ASAP2: variants seen among roughly 807,000 people sequenced by gnomAD.
ASAP2 encodes ArfGAP with SH3 domain, ankyrin repeat and PH domain 2, also known as arf-GAP with SH3 domain, ANK repeat and PH domain-containing protein 2.
A neutral mutation model predicts 131.4 loss-of-function variants in ASAP2; 45 were observed. The observed-to-expected ratio is 0.34, with a 90% CI of 0.27 to 0.44. The LOEUF is 0.44. ASAP2 is among the 20% of genes least tolerant of loss of function. ASAP2 has a pLI of 1.00. For synonymous variants in ASAP2, 510 were observed against 503.0 expected (o/e 1.01, Z -0.19); for missense variants, 1,011 against 1,297.0 (o/e 0.78, Z 3.39).
chr2:9,242,654 CT>C (rs1664057037), intron 1 of ASAP2, among the ~76,000 whole-genome samples: 1 of 152,216 alleles, frequency 6.6e-6, no homozygotes, highest in South Asian at 2.1e-4. Context: ...GTCCAGAGGC[CT>C]TTGCTTCCTC....
intron 2 of ASAP2, among the ~76,000 whole-genome samples, chr2:9,284,950 T>G (rs1326887766): frequency 6.6e-6 from 1 of 152,210 alleles, no homozygotes; most frequent in African/African-American, 2.4e-5. Context: ...CAGACACCTG[T>G]GTTTTCACAG....
intron 1 of ASAP2, among the ~76,000 whole-genome samples, chr2:9,243,265 C>G (rs779721561): frequency 6.6e-6 from 1 of 152,126 alleles, no homozygotes; most frequent in South Asian, 2.1e-4. Context: ...CCCGCCACCA[C>G]GCCCAGCTAA....
At chr2:9,305,537 A>AGTGGGGTATAGATATTGGTGGAGAGGCTG (rs1668847092) in intron 3 of ASAP2, among the ~76,000 whole-genome samples, 40 of 34,668 alleles carry the variant, frequency 1.2e-3, no homozygotes, top group South Asian at 2.4e-3. Context: ...AGGGGCTGTA[A>AGTGGGGTATAGATATTGGTGGAGAGGCTG]TAGTGGGGTA....
At chr2:9,330,600 C>A (rs1351783038) in intron 7 of ASAP2, among the ~76,000 whole-genome samples, 3 of 152,038 alleles carry the variant, frequency 2.0e-5, no homozygotes, top group African/African-American at 7.2e-5. Flanking sequence ...TGGAAAAGAC[C>A]TTGCAATTAT....
In ASAP2 at chr2:9,279,388, G is replaced by A. The variant is rs200734625; in HGVS notation, c.198G>A (p.Leu66=). 6.2e-7 allele frequency: 1 copy of A among 1,613,758 alleles called. No homozygotes were observed. Among genetic ancestry groups the A allele is most frequent in the African/African-American group, 1.3e-5 (1 of 75,042 alleles). ...KSVKAINSSG[L]AHVENEEQYT... is the part of the protein sequence containing the mutation. Reference sequence around the variant, plus strand: ...TGAAAGCAATCAACAGCTCTGGGCTGGGTGAGTATACATCCTTCCCTAGAG... The same window carrying A: ...TGAAAGCAATCAACAGCTCTGGGCTAGGTGAGTATACATCCTTCCCTAGAG... Residue 66 remains leucine (L), a splice_region_variant and synonymous_variant, in exon 2 of 28, where the codon CTG becomes CTA. Transcript: ENST00000281419.
At chr2:9,382,666 G>A (rs1254232185) in intron 20 of ASAP2, among the ~76,000 whole-genome samples, 1 of 152,210 alleles carries the variant, frequency 6.6e-6, no homozygotes, top group Non-Finnish European at 1.5e-5. Context: ...AGGCTGATCA[G>A]CATCCTTTAG....
At chr2:9,350,701 T>G in intron 11 of ASAP2, 107 bp from the exon 12 acceptor site, 1 of 906,000 alleles carries the variant, frequency 1.1e-6, no homozygotes, top group Non-Finnish European at 1.6e-6. Context: ...CTTTGCAAAC[T>G]AGTGAAGAGC....
At chr2:9,285,122 C>T (rs1667385032) in intron 2 of ASAP2, among the ~76,000 whole-genome samples, 1 of 152,006 alleles carries the variant, frequency 6.6e-6, no homozygotes. Context: ...GGGTTAGTGC[C>T]CTGCTTAAAT....
intron 1 of ASAP2, among the ~76,000 whole-genome samples, chr2:9,231,540 G>T (rs151121116): frequency 5.7e-4 from 87 of 152,328 alleles, no homozygotes; most frequent in African/African-American, 1.8e-3. Context: ...GGCCAGCTCT[G>T]TTGTGTGTGC....
At chr2:9,387,916 G>A (rs2709582) in intron 21 of ASAP2, among the ~76,000 whole-genome samples, 8 of 152,186 alleles carry the variant, frequency 5.3e-5, no homozygotes, top group Admixed American at 5.2e-4. Context: ...GCAAGCGAGA[G>A]CAGGGAAAAC....
intron 1 of ASAP2, among the ~76,000 whole-genome samples, chr2:9,229,871 A>G (rs1663035806): frequency 6.6e-6 from 1 of 152,138 alleles, no homozygotes; most frequent in Non-Finnish European, 1.5e-5. Context: ...TGGGTGGGCC[A>G]GGCTGTTGGG....
chr2:9,246,932 C>G (rs1664380451), intron 1 of ASAP2, among the ~76,000 whole-genome samples: 1 of 152,186 alleles, frequency 6.6e-6, no homozygotes, highest in African/African-American at 2.4e-5. Flanking sequence ...CCTTGACCTC[C>G]TGGACTCAAG....
chr2:9,302,169 C>CTTT (rs57906310), intron 3 of ASAP2, among the ~76,000 whole-genome samples: 842 of 82,908 alleles, frequency 0.01, 50 homozygotes, highest in African/African-American at 0.037. Flanking sequence ...AGTTAGAAGC[C>CTTT]TTTTTTTTTT....
At chr2:9,258,259 AT>A (rs1311285641) in intron 1 of ASAP2, among the ~76,000 whole-genome samples, 1 of 149,912 alleles carries the variant, frequency 6.7e-6, no homozygotes, top group Non-Finnish European at 1.5e-5. Flanking sequence ...AAAAAAAAAA[AT>A]TTCTATGATT....
intron 1 of ASAP2, chr2:9,271,325 C>T: frequency 9.9e-7 from 1 of 1,005,192 alleles, no homozygotes; most frequent in East Asian, 2.4e-5. Flanking sequence ...CTTAGCCAGT[C>T]CAAGCTCTAC....
At chr2:9,382,201 C>T (rs991859823) in intron 20 of ASAP2, among the ~76,000 whole-genome samples, 27 of 152,246 alleles carry the variant, frequency 1.8e-4, no homozygotes, top group African/African-American at 6.5e-4. Flanking sequence ...TCAGGCTGGT[C>T]TTGAACTCCT....
intron 15 of ASAP2, among the ~76,000 whole-genome samples, chr2:9,365,476 G>T (rs1455640217): frequency 2.0e-5 from 3 of 152,212 alleles, no homozygotes; most frequent in Non-Finnish European, 1.5e-5. Context: ...AACAGGACAG[G>T]AGGTTTCCCT....
intron 9 of ASAP2, among the ~76,000 whole-genome samples, chr2:9,338,484 A>T (rs1168329093): frequency 6.6e-6 from 1 of 152,096 alleles, no homozygotes; most frequent in East Asian, 1.9e-4. Context: ...GGGTTCGCGT[A>T]TCTTACATGC....
chr2:9,284,521 G>T lies in ASAP2; in HGVS notation c.199+5132G>T, dbSNP rs369345634. On this transcript the variant is annotated intron_variant, in intron 2 of 27. Coordinates refer to ENST00000281419, the MANE Select transcript of ASAP2 (RefSeq NM_003887.3). ...CCACTCAAAAAGCCTGTGACATTAG[G>T]ACGATTATTTTACCTTTCTGAGCCT... is the stretch of plus-strand genomic sequence containing the variant. 4.6e-5 allele frequency among the ~76,000 whole-genome samples: 7 copies of T among 152,192 alleles called. No individual in the cohort carries two copies. The East Asian group carries it at 9.6e-4, about 21-fold the overall frequency.
Sources: allele counts gnomAD v4.1 joint callset (sites outside exome capture counted in the v4.1 genomes callset), GRCh38; gene constraint gnomAD v4.1.1; transcripts MANE v1.5; gene names NCBI Gene and HGNC (gene_info 2026-07-23, HGNC 2026-07-21).